Variants in SCNN1B observed in about 807,000 individuals in gnomAD.
SCNN1B encodes the protein sodium channel epithelial 1 subunit beta, also known as epithelial sodium channel subunit beta.
SCNN1B carries 46 observed loss-of-function variants against 65.3 expected under a neutral mutation model. That is an observed-to-expected ratio of 0.70 (90% CI 0.56 to 0.90). The LOEUF (loss-of-function observed/expected upper bound fraction) is 0.90. Among genes scored for constraint, SCNN1B ranks in the 40% least tolerant of loss-of-function variants. The pLI is 0.00. For synonymous variants in SCNN1B, 349 were observed against 330.6 expected (o/e 1.06, Z -0.60); for missense variants, 751 against 830.5 (o/e 0.90, Z 1.18).
At chr16:23,284,830 A>G (rs1237376129) in intron 2 of SCNN1B, among the ~76,000 whole-genome samples, 1 of 152,320 alleles carries the variant, frequency 6.6e-6, no homozygotes, top group Non-Finnish European at 1.5e-5. Context: ...CTCAGGAGAA[A>G]TAGAAAATCC....
At chr16:23,379,079 A>AGCC (rs1222068298) in intron 11 of SCNN1B, among the ~76,000 whole-genome samples, 3 of 146,922 alleles carry the variant, frequency 2.0e-5, no homozygotes, top group African/African-American at 7.8e-5. Flanking sequence ...TCTCCCACCC[A>AGCC]GCCATCCTCC....
At chr16:23,367,634 G>C (rs542815201) in intron 4 of SCNN1B, among the ~76,000 whole-genome samples, 3 of 152,326 alleles carry the variant, frequency 2.0e-5, no homozygotes, top group Admixed American at 1.3e-4. Context: ...CCAAACCAGA[G>C]AGCCTGAGCC....
Position 23,358,800 on chromosome 16 carries a change from A to G in SCNN1B, c.776+3311A>G, listed in dbSNP as rs1280881717. On this transcript the variant is annotated intron_variant, in intron 4 of 12. Transcript: ENST00000343070. Reference sequence around the variant, plus strand: ...CGCATGCCTGTAATCCCGGCTACTCAGGTGACCGAGGCACGAGAATCACTT... The same window carrying G: ...CGCATGCCTGTAATCCCGGCTACTCGGGTGACCGAGGCACGAGAATCACTT... Among the ~76,000 whole-genome samples the G allele has an allele frequency of 2.0e-5, 3 of 152,200 alleles. No homozygotes were observed. In the East Asian group the frequency reaches 5.8e-4, roughly 29 times the overall value.
intron 2 of SCNN1B, among the ~76,000 whole-genome samples, chr16:23,292,343 G>A (rs762721792): frequency 6.1e-5 from 9 of 147,156 alleles, no homozygotes; most frequent in Admixed American, 1.3e-4. Context: ...ACAGGCGCCC[G>A]CCACCACACC....
intron 2 of SCNN1B, among the ~76,000 whole-genome samples, chr16:23,296,561 T>C (rs1960999920): frequency 6.6e-6 from 1 of 152,094 alleles, no homozygotes; most frequent in Admixed American, 6.6e-5. Flanking sequence ...CCTCCAGGTC[T>C]GTGAAATGGG....
At chr16:23,302,756 T>C (rs1441296179) in intron 1 of SCNN1B, among the ~76,000 whole-genome samples, 2 of 152,064 alleles carry the variant, frequency 1.3e-5, no homozygotes, top group African/African-American at 4.8e-5. Flanking sequence ...CAAGAAGTTG[T>C]TCAAGAGGTG....
In SCNN1B at chr16:23,310,290, CAAAAAAAAAA is replaced by C. The variant is rs202228096; in HGVS notation, c.-9+7867_-9+7876del. On this transcript the variant is annotated intron_variant, in intron 1 of 12. Coordinates refer to ENST00000343070, the MANE Select transcript of SCNN1B (RefSeq NM_000336.3). ...TAAAAGTTAGTATGTTCTGCATGAC[CAAAAAAAAAA>C]AAAAAAAAAAAAACCCACATAAACT... 2.8e-3 allele frequency among the ~76,000 whole-genome samples: 257 copies of C among 92,996 alleles called. 1 individual carries two copies. The highest frequency in any genetic ancestry group is 0.011 in the Middle Eastern group (2 of 186). The allele number at this position is 92,996 out of a possible 152,430, so 61.0% of individuals were successfully genotyped here.
chr16:23,308,184 AC>A (rs1446932024), intron 1 of SCNN1B, among the ~76,000 whole-genome samples: 1 of 152,120 alleles, frequency 6.6e-6, no homozygotes, highest in Non-Finnish European at 1.5e-5. Flanking sequence ...AGCCTGGGTG[AC>A]AGAGCAAGAC....
Position 23,371,423 on chromosome 16 carries a change from C to T in SCNN1B, c.1005C>T (p.Tyr335=), listed in dbSNP as rs13306633. ...CCTTCATCAGAGATGAGGGCATCTA[C>T]GCCATGTCGGGGACAGAGACGTCCA... ...SYPFIRDEGI[Y]AMSGTETSIG... Residue 335 remains tyrosine, a synonymous_variant, in exon 6 of 13, where the codon TAC becomes TAT. Coordinates refer to ENST00000343070, the MANE Select transcript of SCNN1B (RefSeq NM_000336.3). 1.2e-4 allele frequency: 192 copies of T among 1,614,134 alleles called. No homozygotes were observed. In the East Asian group the frequency reaches 3.1e-3, roughly 26 times the overall value.
intron 1 of SCNN1B, among the ~76,000 whole-genome samples, chr16:23,341,939 A>C (rs1307234175): frequency 6.6e-6 from 1 of 152,240 alleles, no homozygotes; most frequent in Non-Finnish European, 1.5e-5. Context: ...AAGGTTAAAC[A>C]TAGAATTACC....
At chr16:23,351,082 A>G (rs971440104) in intron 2 of SCNN1B, among the ~76,000 whole-genome samples, 10 of 152,198 alleles carry the variant, frequency 6.6e-5, no homozygotes, top group African/African-American at 2.4e-4. Flanking sequence ...CTCTGTTTTT[A>G]AAAGTCCTAG....
At chr16:23,311,381 C>T (rs1961340344) in intron 1 of SCNN1B, among the ~76,000 whole-genome samples, 1 of 152,236 alleles carries the variant, frequency 6.6e-6, no homozygotes, top group Non-Finnish European at 1.5e-5. Context: ...TCAAGAGTTA[C>T]TCCTGATTGG....
intron 7 of SCNN1B, among the ~76,000 whole-genome samples, chr16:23,374,328 C>T (rs1337218009): frequency 6.9e-6 from 1 of 144,068 alleles, no homozygotes; most frequent in African/African-American, 2.6e-5. Flanking sequence ...AATCCCAGCA[C>T]TTTGGGAGGT....
chr16:23,375,836 C>A lies in SCNN1B; in HGVS notation c.1251C>A (p.Asn417Lys). The A allele has an allele frequency of 6.2e-7, 1 of 1,612,538 alleles. No homozygotes were observed. The highest frequency in any genetic ancestry group is 1.7e-4 in the Middle Eastern group (1 of 6,060). ...CCCGTGGGGAGAAATACTGCAACAA[C>A]CGGGACTTCCCAGACTGGGGTGAGC... ...PLPRGEKYCN[N>K]RDFPDWAHCY... Residue 417 changes from asparagine to lysine, a missense_variant, in exon 8 of 13, where the codon AAC becomes AAA. Transcript: ENST00000343070.
chr16:23,313,636 G>A (rs922368697), intron 1 of SCNN1B, among the ~76,000 whole-genome samples: 1 of 152,166 alleles, frequency 6.6e-6, no homozygotes, highest in African/African-American at 2.4e-5. Flanking sequence ...GTTTTGAAAT[G>A]GAGTCTCGCT....
intron 7 of SCNN1B, among the ~76,000 whole-genome samples, 161 bp from the exon 8 acceptor site, chr16:23,375,577 G>C (rs1596886798): frequency 6.6e-6 from 1 of 152,116 alleles, no homozygotes; most frequent in East Asian, 1.9e-4. Context: ...TGTAGCTGCA[G>C]CCAGTCATCT....
At chr16:23,310,493 TG>T (rs1366566296) in intron 1 of SCNN1B, among the ~76,000 whole-genome samples, 2 of 152,148 alleles carry the variant, frequency 1.3e-5, no homozygotes, top group Non-Finnish European at 2.9e-5. Context: ...GAGACCAGCC[TG>T]GGCAATATAG....
At chr16:23,317,322 T>C (rs1286069366) in intron 1 of SCNN1B, among the ~76,000 whole-genome samples, 1 of 152,114 alleles carries the variant, frequency 6.6e-6, no homozygotes, top group African/African-American at 2.4e-5. Context: ...GCGGCAGCAG[T>C]TAAGGGAATC....
intron 1 of SCNN1B, among the ~76,000 whole-genome samples, chr16:23,339,416 T>A (rs1284228016): frequency 7.9e-5 from 12 of 151,384 alleles, no homozygotes; most frequent in Non-Finnish European, 1.5e-5. Flanking sequence ...CATTTAACTT[T>A]TTTTTTTTAA....
Sources: gnomAD v4.1 joint callset for allele counts (sites outside exome capture counted in the v4.1 genomes callset) on GRCh38, gnomAD v4.1.1 for gene constraint, MANE v1.5 for transcripts, NCBI Gene and HGNC (gene_info 2026-07-23, HGNC 2026-07-21) for gene names.